CTDSPL: variants seen among roughly 807,000 people sequenced by gnomAD.
The protein encoded by CTDSPL is CTD small phosphatase like.
In CTDSPL, 8 loss-of-function variants were observed where a neutral mutation model predicts 30.5. The observed-to-expected ratio is 0.26, with a 90% CI of 0.15 to 0.47. The LOEUF (loss-of-function observed/expected upper bound fraction) is 0.47. Ranked by LOEUF, CTDSPL falls within the 20% of genes least tolerant of loss-of-function variation. CTDSPL has a pLI of 0.99. For synonymous variants in CTDSPL, 110 were observed against 137.9 expected, an observed-to-expected ratio of 0.80 and a Z score of 1.42; for missense variants, 248 against 366.1, an observed-to-expected ratio of 0.68 and a Z score of 2.63.
chr3:37,979,606 G>A (rs369542261), intron 7 of CTDSPL, among the ~76,000 whole-genome samples: 1,646 of 151,830 alleles, frequency 0.011, 35 homozygotes, highest in African/African-American at 0.036. Flanking sequence ...AAAAAGAAAA[G>A]AAAAAAAATT....
chr3:37,909,287 A>G (rs1332236021), intron 1 of CTDSPL, among the ~76,000 whole-genome samples: 2 of 152,230 alleles, frequency 1.3e-5, no homozygotes, highest in Non-Finnish European at 2.9e-5. Context: ...CATTTCTGCC[A>G]TGGAAATGAT....
intron 1 of CTDSPL, among the ~76,000 whole-genome samples, chr3:37,929,912 A>C (rs1467399045): frequency 6.6e-6 from 1 of 152,122 alleles, no homozygotes; most frequent in Non-Finnish European, 1.5e-5. Context: ...GTTCAAGACT[A>C]GCCTGACCAA....
At chr3:37,936,920 G>T (rs143987655) in intron 1 of CTDSPL, among the ~76,000 whole-genome samples, 1 of 151,792 alleles carries the variant, frequency 6.6e-6, no homozygotes, top group East Asian at 1.9e-4. Flanking sequence ...TACCTTCTTA[G>T]TTCTGCTCTT....
intron 1 of CTDSPL, among the ~76,000 whole-genome samples, chr3:37,889,280 A>G (rs1177454396): frequency 6.6e-6 from 1 of 152,190 alleles, no homozygotes; most frequent in Non-Finnish European, 1.5e-5. Context: ...GCCCTTATAT[A>G]TAAGGCATTA....
Position 37,971,000 on chromosome 3 carries a change from C to A in CTDSPL, c.427-407C>A, listed in dbSNP as rs1419567271. Among the ~76,000 whole-genome samples the A allele has an allele frequency of 1.3e-5, 2 of 152,224 alleles. 1 individual carries two copies. The highest frequency in any genetic ancestry group is 2.9e-5 in the Non-Finnish European group (2 of 68,046). On this transcript the variant is annotated intron_variant, in intron 5 of 7. Transcript: ENST00000273179. The stretch of plus-strand genomic sequence containing the variant: ...TGCTGGGCAATATGCTGGGCCTGGA[C>A]CTCTGAAAGGACAACACCCAGACCG...
intron 1 of CTDSPL, among the ~76,000 whole-genome samples, chr3:37,929,430 C>T (rs1005444941): frequency 6.6e-6 from 1 of 152,134 alleles, no homozygotes; most frequent in Admixed American, 6.5e-5. Flanking sequence ...AGATGTCTTT[C>T]CATTTATTAG....
chr3:37,902,560 T>A (rs2125601810), intron 1 of CTDSPL, among the ~76,000 whole-genome samples: 2 of 152,184 alleles, frequency 1.3e-5, no homozygotes, highest in Non-Finnish European at 2.9e-5. Flanking sequence ...ATGGCTCCCC[T>A]CCCTAGGGAT....
At chr3:37,869,768 G>T (rs1698052559) in intron 1 of CTDSPL, among the ~76,000 whole-genome samples, 1 of 152,054 alleles carries the variant, frequency 6.6e-6, no homozygotes, top group Non-Finnish European at 1.5e-5. Context: ...TCTTTAACAG[G>T]TTGAGGAAGT....
rs1698901962 is a variant in CTDSPL at position 37,935,274 on chromosome 3, C to G, written c.80-11783C>G. On this transcript the variant is annotated intron_variant, in intron 1 of 7. Coordinates refer to ENST00000273179, the MANE Select transcript of CTDSPL (RefSeq NM_001008392.2). ...GTGAATGGGCCTGTGCCATGAAAAT[C>G]TCACCACCATCGTCTATATGTTTTT... Among the ~76,000 whole-genome samples, 3 of 152,172 alleles carry G rather than the reference C, an allele frequency of 2.0e-5. No homozygotes were observed. In the South Asian group the frequency reaches 6.2e-4, roughly 31 times the overall value.
At chr3:37,960,533 TATACACACACACACACAC>T (rs1699232122) in intron 3 of CTDSPL, among the ~76,000 whole-genome samples, 1 of 33,570 alleles carries the variant, frequency 3.0e-5, no homozygotes, top group African/African-American at 1.5e-4. Flanking sequence ...TATATATATA[TATACACACACACACACAC>T]ACACACACAC....
At chr3:37,919,941 A>G (rs1442314199) in intron 1 of CTDSPL, among the ~76,000 whole-genome samples, 1 of 152,152 alleles carries the variant, frequency 6.6e-6, no homozygotes, top group Non-Finnish European at 1.5e-5. Flanking sequence ...GAATTATGGA[A>G]GCCCTGGGGA....
chr3:37,903,391 G>A (rs373366717), intron 1 of CTDSPL, among the ~76,000 whole-genome samples: 1 of 152,352 alleles, frequency 6.6e-6, no homozygotes, highest in South Asian at 2.1e-4. Flanking sequence ...TACAGCTGCT[G>A]CTGCAGCAAA....
intron 6 of CTDSPL, among the ~76,000 whole-genome samples, chr3:37,971,977 G>T (rs189618733): frequency 6.6e-6 from 1 of 152,286 alleles, no homozygotes; most frequent in African/African-American, 2.4e-5. Flanking sequence ...TATGATCTGA[G>T]GCAAGTTACT....
intron 1 of CTDSPL, among the ~76,000 whole-genome samples, chr3:37,915,900 T>C (rs1017544844): frequency 2.6e-5 from 4 of 152,220 alleles, no homozygotes; most frequent in Non-Finnish European, 4.4e-5. Flanking sequence ...GATGATGTTA[T>C]CTTTCCTTAG....
Position 37,862,144 on chromosome 3 carries a change from C to A in CTDSPL, c.-56C>A. Reference sequence around the variant, plus strand: ...CCCCGCGCCCCCCGCGCCGCGCCCCCGCGCGCTTGGCTTGCGGGGGGCCGG... The same window carrying A: ...CCCCGCGCCCCCCGCGCCGCGCCCCAGCGCGCTTGGCTTGCGGGGGGCCGG... On this transcript the variant is annotated 5_prime_UTR_variant, in exon 1 of 8. Coordinates refer to ENST00000273179, the MANE Select transcript of CTDSPL (RefSeq NM_001008392.2). The surrounding 1 kb of genome is among the most constrained non-coding windows in gnomAD (Gnocchi z 4.3). 2 of 928,428 alleles carry A rather than the reference C, an allele frequency of 2.2e-6. No individual in the cohort carries two copies. Among genetic ancestry groups the A allele is most frequent in the South Asian group, 5.0e-5 (1 of 20,118 alleles). 57.5% of individuals were successfully genotyped at this position (928,428 alleles called of 1,614,324 possible). A position where few individuals can be genotyped will look rare whatever the true frequency, so the allele number is the denominator to read the frequency against.
intron 1 of CTDSPL, among the ~76,000 whole-genome samples, chr3:37,878,496 T>C (rs1025037864): frequency 2.6e-5 from 4 of 152,242 alleles, no homozygotes; most frequent in Non-Finnish European, 5.9e-5. Flanking sequence ...TATATATATG[T>C]GTGGGCCTAT....
At chr3:37,935,397 C>T (rs1487648532) in intron 1 of CTDSPL, among the ~76,000 whole-genome samples, 1 of 152,002 alleles carries the variant, frequency 6.6e-6, no homozygotes, top group Non-Finnish European at 1.5e-5. Context: ...TTTACTTCCT[C>T]TTAAGTGCAT....
At chr3:37,914,527 G>T (rs1377654616) in intron 1 of CTDSPL, among the ~76,000 whole-genome samples, 2 of 152,124 alleles carry the variant, frequency 1.3e-5, no homozygotes, top group South Asian at 4.1e-4. Flanking sequence ...TTTGCAAGGA[G>T]TTTTATTATA....
At chr3:37,926,903 C>T (rs765666580) in intron 1 of CTDSPL, among the ~76,000 whole-genome samples, 7 of 152,256 alleles carry the variant, frequency 4.6e-5, no homozygotes, top group South Asian at 4.2e-4. Context: ...TGACAGAAGG[C>T]AGAAAACTAT....
Sources: gnomAD v4.1 joint callset for allele counts (sites outside exome capture counted in the v4.1 genomes callset) on GRCh38, gnomAD v4.1.1 for gene constraint, Gnocchi (gnomAD v3.1) non-coding constraint, MANE v1.5 for transcripts, NCBI Gene and HGNC (gene_info 2026-07-23, HGNC 2026-07-21) for gene names.